PKNOX1: variants seen among roughly 807,000 people sequenced by gnomAD.
The protein encoded by PKNOX1 is PBX/knotted 1 homeobox 1.
PKNOX1 carries 15 observed loss-of-function variants against 51.9 expected under a neutral mutation model. That is an observed-to-expected ratio of 0.29 (90% CI 0.19 to 0.45). The LOEUF (loss-of-function observed/expected upper bound fraction) is 0.45. Among genes scored for constraint, PKNOX1 ranks in the 20% least tolerant of loss-of-function variants. The probability of loss-of-function intolerance (pLI) is 1.00; values close to 1 mark genes in which losing one functional copy is unlikely to be tolerated. For missense variants in PKNOX1, 462 were observed against 547.5 expected (o/e 0.84, Z 1.56); for synonymous variants, 219 against 211.1 (o/e 1.04, Z -0.32).
rs1980274834 is a variant in PKNOX1 at position 43,031,646 on chromosome 21, G to T, written c.*1545G>T. The T allele has an allele frequency of 6.5e-6, 1 of 152,820 alleles. No individual in the cohort carries two copies. The highest frequency in any genetic ancestry group is 1.5e-5 in the Non-Finnish European group (1 of 68,428). The allele number at this position is 152,820 out of a possible 1,614,324, so 9.5% of individuals were successfully genotyped here. On this transcript the variant is annotated 3_prime_UTR_variant, in exon 11 of 11. Transcript: ENST00000291547. ...TGGCTGAAGTTCATTTGTTTACAGG[G>T]TCGGGAATGTCTTCAGTTCTTGAGA...
chr21:42,992,982 G>C (rs949066239), intron 1 of PKNOX1, among the ~76,000 whole-genome samples: 1 of 151,370 alleles, frequency 6.6e-6, no homozygotes, highest in Non-Finnish European at 1.5e-5. Context: ...TCAGGGGGGC[G>C]TTCCTCACAG....
At chr21:42,986,920 C>G (rs917685246) in intron 1 of PKNOX1, among the ~76,000 whole-genome samples, 1 of 152,090 alleles carries the variant, frequency 6.6e-6, no homozygotes, top group Non-Finnish European at 1.5e-5. Context: ...TGGGTAGCAG[C>G]TAGGAGGTGG....
intron 1 of PKNOX1, among the ~76,000 whole-genome samples, chr21:42,994,260 T>C (rs1297619712): frequency 7.1e-6 from 1 of 141,712 alleles, no homozygotes; most frequent in Non-Finnish European, 1.5e-5. Context: ...CAGGCTGGTC[T>C]TGAACTCCTG....
chr21:42,983,815 C>G (rs1391236791), intron 1 of PKNOX1, among the ~76,000 whole-genome samples: 1 of 152,026 alleles, frequency 6.6e-6, no homozygotes, highest in Non-Finnish European at 1.5e-5. Flanking sequence ...ACATTCCTAC[C>G]AACAGTACAG....
In PKNOX1 at chr21:43,010,743, A is replaced by T. The variant is rs978541800; in HGVS notation, c.351+519A>T. Among the ~76,000 whole-genome samples the T allele has an allele frequency of 3.3e-5, 5 of 152,138 alleles. No homozygotes were observed. The East Asian group carries it at 9.7e-4, about 30-fold the overall frequency. On this transcript the variant is annotated intron_variant, in intron 4 of 10. Coordinates refer to ENST00000291547, the MANE Select transcript of PKNOX1 (RefSeq NM_004571.5). Reference sequence around the variant, plus strand: ...GCCAGGCATGGTGGCACATGCCTGTAGTCCCAGCTACTCAGGAGGCTGAGG... The same window carrying T: ...GCCAGGCATGGTGGCACATGCCTGTTGTCCCAGCTACTCAGGAGGCTGAGG...
At chr21:43,004,080 A>T in intron 1 of PKNOX1, 1 of 244,394 alleles carries the variant, frequency 4.1e-6, no homozygotes, top group South Asian at 4.6e-5. Flanking sequence ...TCTACTAAAA[A>T]CACAAAATTA....
chr21:42,987,752 G>A (rs892663911), intron 1 of PKNOX1, among the ~76,000 whole-genome samples: 2 of 151,264 alleles, frequency 1.3e-5, no homozygotes, highest in Non-Finnish European at 2.9e-5. Context: ...CAGAGTAGCT[G>A]GGACTACAGG....
rs368748336 is a variant in PKNOX1, at chr21:43,007,577, G to A, written c.138G>A (p.Glu46=). 3 of 1,614,080 alleles carry A rather than the reference G, an allele frequency of 1.9e-6. No individual in the cohort carries two copies. In the African/African-American group the frequency reaches 4.0e-5, roughly 22 times the overall value. The change falls in exon 3 of 11, where the codon GAG becomes GAA. Residue 46 remains glutamate (E), a synonymous_variant. Coordinates refer to ENST00000291547, the MANE Select transcript of PKNOX1 (RefSeq NM_004571.5). ...DAEGVSPPPV[E]SQTPMDVDKQ... ...AAGGAGTGAGCCCTCCCCCTGTGGAGTCTCAGACCCCGATGGATGTGGACA... is the reference window on the plus strand; with the variant it reads ...AAGGAGTGAGCCCTCCCCCTGTGGAATCTCAGACCCCGATGGATGTGGACA...
intron 2 of PKNOX1, among the ~76,000 whole-genome samples, chr21:43,005,753 A>T (rs1978960751): frequency 6.7e-6 from 1 of 149,236 alleles, no homozygotes. Flanking sequence ...TGTTCCCATC[A>T]CTCTTCTCCC....
At position 43,030,224 on chromosome 21, in the gene PKNOX1, T is replaced by TA; in HGVS notation, c.*126dup. Reference sequence around the variant, plus strand: ...GCACTTTTGTATTTCATAGTAAGCTTAAAGCGCGTCTTTGCCGGTGCAGCG... The same window carrying TA: ...GCACTTTTGTATTTCATAGTAAGCTTAAAAGCGCGTCTTTGCCGGTGCAGCG... On this transcript the variant is annotated 3_prime_UTR_variant, in exon 11 of 11. Transcript: ENST00000291547. 1.3e-6 allele frequency: 1 copy of TA among 772,040 alleles called. No individual in the cohort carries two copies. Among genetic ancestry groups the TA allele is most frequent in the Non-Finnish European group, 2.0e-6 (1 of 492,846 alleles). 47.8% of individuals were successfully genotyped at this position (772,040 alleles called of 1,614,324 possible).
intron 1 of PKNOX1, among the ~76,000 whole-genome samples, chr21:42,997,438 A>G (rs1568893415): frequency 6.6e-6 from 1 of 152,254 alleles, no homozygotes; most frequent in Non-Finnish European, 1.5e-5. Context: ...CCAAACAAAA[A>G]AAATTAAAAT....
chr21:42,977,665 A>G (rs1413352743), intron 1 of PKNOX1, among the ~76,000 whole-genome samples: 2 of 146,924 alleles, frequency 1.4e-5, no homozygotes, highest in Non-Finnish European at 3.0e-5. Context: ...CTCCTGCCTC[A>G]GCCTCCGTAG....
At chr21:43,027,108 A>G (rs1350228622) in intron 9 of PKNOX1, among the ~76,000 whole-genome samples, 6 of 152,142 alleles carry the variant, frequency 3.9e-5, no homozygotes, top group South Asian at 2.1e-4. Flanking sequence ...TATCGTGAAC[A>G]TGGCTACTCA....
At chr21:42,987,902 G>A (rs2059063604) in intron 1 of PKNOX1, among the ~76,000 whole-genome samples, 1 of 151,970 alleles carries the variant, frequency 6.6e-6, no homozygotes, top group Non-Finnish European at 1.5e-5. Flanking sequence ...ACAGGCGTGA[G>A]CCACCGCACC....
Position 43,028,682 on chromosome 21 carries a change from C to T in PKNOX1, c.927-20C>T. 6.2e-7 allele frequency: 1 copy of T among 1,611,280 alleles called. No individual in the cohort carries two copies. The highest frequency in any genetic ancestry group is 8.5e-7 in the Non-Finnish European group (1 of 1,178,708). ...TTTACGAAGGCTGTTTTCATGGAAGCTTCTCTTTGTTGACTCCAGGTTCAT... is the reference window on the plus strand; with the variant it reads ...TTTACGAAGGCTGTTTTCATGGAAGTTTCTCTTTGTTGACTCCAGGTTCAT... On this transcript the variant is annotated intron_variant, in intron 9 of 10. Transcript: ENST00000291547.
chr21:43,014,091 G>A (rs1459245824), intron 5 of PKNOX1, among the ~76,000 whole-genome samples: 1 of 143,734 alleles, frequency 7.0e-6, no homozygotes, highest in Non-Finnish European at 1.5e-5. Flanking sequence ...GCGCGATCTC[G>A]GCTTACTGCA....
At chr21:43,012,297 C>T (rs187168550) in intron 4 of PKNOX1, among the ~76,000 whole-genome samples, 4 of 152,306 alleles carry the variant, frequency 2.6e-5, no homozygotes, top group Non-Finnish European at 4.4e-5. Context: ...TGGTGGCTCA[C>T]GCCTGTAATC....
chr21:43,018,472 ACC>A lies in PKNOX1; in HGVS notation c.720+244_720+245del, dbSNP rs1491559274. Among the ~76,000 whole-genome samples the A allele has an allele frequency of 2.2e-3, 16 of 7,232 alleles. 6 individuals are homozygous for A. Among genetic ancestry groups the A allele is most frequent in the Admixed American group, 0.01 (11 of 1,074 alleles). The allele number at this position is 7,232 out of a possible 152,430, so 4.7% of individuals were successfully genotyped here. A position where few individuals can be genotyped will look rare whatever the true frequency, so the allele number is the denominator to read the frequency against. On this transcript the variant is annotated intron_variant, in intron 7 of 10. Transcript: ENST00000291547. ...AAGTCACTCATAACCACCCCCTGCC[ACC>A]CACACACACACACACACACACACAC...
intron 1 of PKNOX1, among the ~76,000 whole-genome samples, chr21:42,995,622 G>T (rs1427310666): frequency 6.6e-6 from 1 of 152,074 alleles, no homozygotes; most frequent in Admixed American, 6.6e-5. Flanking sequence ...AGGCTGCAGT[G>T]AGCCAGAGTC....
Sources: gnomAD v4.1 joint callset for allele counts (sites outside exome capture counted in the v4.1 genomes callset) on GRCh38, gnomAD v4.1.1 for gene constraint, MANE v1.5 for transcripts, NCBI Gene and HGNC (gene_info 2026-07-23, HGNC 2026-07-21) for gene names.